TPR: variants seen among roughly 807,000 people sequenced by gnomAD.
TPR encodes the protein translocated promoter region, nuclear basket protein.
A neutral mutation model predicts 316.1 loss-of-function variants in TPR; 51 were observed. The observed-to-expected ratio is 0.16, with a 90% CI of 0.13 to 0.20. The LOEUF (loss-of-function observed/expected upper bound fraction) is 0.20, where lower values mean the gene tolerates loss of function less well. Ranked by LOEUF, TPR falls within the 10% of genes least tolerant of loss-of-function variation. The probability of loss-of-function intolerance (pLI) is 1.00; values close to 1 mark genes in which losing one functional copy is unlikely to be tolerated. For missense variants in TPR, 2,272 were observed against 2,754.8 expected (o/e 0.82, Z 3.92); for synonymous variants, 981 against 914.7 (o/e 1.07, Z -1.31).
intron 11 of TPR, 66 bp from the exon 12 acceptor site, chr1:186,360,062 T>G: frequency 9.2e-6 from 14 of 1,519,742 alleles, no homozygotes; most frequent in Non-Finnish European, 1.3e-5. Flanking sequence ...TTGATCTAGT[T>G]TCATAATAAA....
At position 186,332,281 on chromosome 1, in the gene TPR, T is replaced by C. The variant is rs1658188606; in HGVS notation, c.5518A>G (p.Ile1840Val). The C allele has an allele frequency of 6.2e-7, 1 of 1,612,928 alleles. No homozygotes were observed. Among genetic ancestry groups the C allele is most frequent in the South Asian group, 1.1e-5 (1 of 90,798 alleles). The part of the protein sequence containing the change: ...RTREEEEDST[I>V]EASDQVSDDT... ...TCAGAGACTTGGTCTGATGCTTCTA[T>C]GGTGCTATCCTCTTCCTCTTCACGT... Residue 1840 changes from isoleucine to valine, a missense_variant, in exon 38 of 51, where the codon ATA (isoleucine) becomes GTA (valine). This residue lies in a region of TPR where 435 missense variants were observed against 461.1 expected (regional missense o/e 0.94). Transcript: ENST00000367478.
chr1:186,315,756 C>G (rs776127667), intron 49 of TPR, among the ~76,000 whole-genome samples: 1 of 151,310 alleles, frequency 6.6e-6, no homozygotes, highest in African/African-American at 2.4e-5. Context: ...ATATCTCCTG[C>G]TACTCTCTGT....
rs1571635367 is a variant in TPR at position 186,362,339 on chromosome 1, T to C, written c.738A>G (p.Ser246=). 1.9e-6 allele frequency: 3 copies of C among 1,612,472 alleles called. No individual in the cohort carries two copies. The Admixed American group carries it at 5.0e-5, about 27-fold the overall frequency. The change falls in exon 7 of 51, where the codon TCA becomes TCG. Residue 246 remains serine (S), a synonymous_variant. Transcript: ENST00000367478. ...CCACATGCTTTTGAAGATGTTCATT[T>C]GATGTTTTTAAGCCATTCATTTGTT... ...LEEQMNGLKT[S]NEHLQKHVED...
intron 46 of TPR, 119 bp downstream of exon 46, chr1:186,320,193 C>A: frequency 1.2e-6 from 1 of 850,424 alleles, no homozygotes. Context: ...AATAAATTAG[C>A]AAACAATATC....
intron 4 of TPR, among the ~76,000 whole-genome samples, chr1:186,367,064 T>C (rs1343984818): frequency 2.9e-5 from 4 of 138,206 alleles, no homozygotes; most frequent in African/African-American, 8.0e-5. Flanking sequence ...AAACACCTTT[T>C]TTTTTTTTTT....
chr1:186,345,476 T>C (rs1658647015), intron 24 of TPR, 104 bp downstream of exon 24: 1 of 886,684 alleles, frequency 1.1e-6, no homozygotes, highest in Non-Finnish European at 1.8e-6. Flanking sequence ...GTGGAAATTA[T>C]CTTGAATTTT....
In TPR at chr1:186,355,085, A is replaced by C. The variant is rs896208224; in HGVS notation, c.2171+325T>G. 2.0e-5 allele frequency among the ~76,000 whole-genome samples: 3 copies of C among 152,042 alleles called. No individual in the cohort carries two copies. The East Asian group carries it at 5.8e-4, about 30-fold the overall frequency. On this transcript the variant is annotated intron_variant, in intron 17 of 50. Transcript: ENST00000367478. Reference sequence around the variant, plus strand: ...CCGCTCAGCTAATTTTTGTATTTTTAGTAGAGATGGGGTTTCACCATGGTG... The same window carrying C: ...CCGCTCAGCTAATTTTTGTATTTTTCGTAGAGATGGGGTTTCACCATGGTG...
chr1:186,361,290 G>A (rs1296970181), intron 9 of TPR, among the ~76,000 whole-genome samples: 1 of 151,818 alleles, frequency 6.6e-6, no homozygotes, highest in South Asian at 2.1e-4. Flanking sequence ...AAATAAAGAG[G>A]ATGTCTTATT....
At chr1:186,353,916 T>G (rs1571627913) in intron 17 of TPR, 66 bp from the exon 18 acceptor site, 1 of 1,480,760 alleles carries the variant, frequency 6.8e-7, no homozygotes, top group Non-Finnish European at 9.2e-7. Context: ...CTTGAAGAAA[T>G]TTCACAATAG....
intron 37 of TPR, among the ~76,000 whole-genome samples, chr1:186,332,658 A>G (rs1198553595): frequency 6.6e-6 from 1 of 152,176 alleles, no homozygotes; most frequent in East Asian, 1.9e-4. Context: ...GTTGTTATCT[A>G]CAAAGTTTAC....
Position 186,359,826 on chromosome 1 carries a change from T to G in TPR, c.1362A>C (p.Leu454Phe). The change falls in exon 12 of 51, where the codon TTA (leucine) becomes TTC (phenylalanine). Residue 454 changes from leucine to phenylalanine, a missense_variant. This residue lies in a region of TPR where 549 missense variants were observed against 598.6 expected (regional missense o/e 0.92). Coordinates refer to ENST00000367478, the MANE Select transcript of TPR (RefSeq NM_003292.3). ...TCATAGCTTGTTCAAGCTTAACAGA[T>G]AAACTTGCTACAGCTTTCTGTGCAC... ...YERAQKAVAS[L>F]SVKLEQAMKE... 1 of 1,588,264 alleles carries G rather than the reference T, an allele frequency of 6.3e-7. No homozygotes were observed. The highest frequency in any genetic ancestry group is 1.2e-5 in the South Asian group (1 of 85,544).
chr1:186,312,958 TAAAAATGCTGGCTGC>T lies in TPR; in HGVS notation c.*998_*1012del. 6.6e-7 allele frequency: 1 copy of T among 1,518,318 alleles called. No individual in the cohort carries two copies. The highest frequency in any genetic ancestry group is 9.1e-7 in the Non-Finnish European group (1 of 1,094,228). The allele number at this position is 1,518,318 out of a possible 1,614,324, so 94.1% of individuals were successfully genotyped here. A position where few individuals can be genotyped will look rare whatever the true frequency, so the allele number is the denominator to read the frequency against. ...CATTTGTGAAAACATGAAGATAAAG[TAAAAATGCTGGCTGC>T]AATGATGACTGAATGTGAGAAGTTA... On this transcript the variant is annotated 3_prime_UTR_variant, in exon 51 of 51. Coordinates refer to ENST00000367478, the MANE Select transcript of TPR (RefSeq NM_003292.3).
rs774674452 is a variant in TPR at position 186,334,525 on chromosome 1, G to A, written c.4982C>T (p.Thr1661Ile). Residue 1661 changes from threonine to isoleucine, a missense_variant, in exon 36 of 51, where the codon ACA (threonine) becomes ATA (isoleucine). Transcript: ENST00000367478. Reference sequence around the variant, plus strand: ...GATATTGGCTGTTGGTGGGTCTGATGTGCTGGCACTTATAGAGGAGAAAAT... The same window carrying A: ...GATATTGGCTGTTGGTGGGTCTGATATGCTGGCACTTATAGAGGAGAAAAT... ...PASGERGIAS[T>I]SDPPTANIKP... The A allele has an allele frequency of 1.2e-6, 2 of 1,612,754 alleles. No homozygotes were observed. Among genetic ancestry groups the A allele is most frequent in the African/African-American group, 1.3e-5 (1 of 74,976 alleles).
chr1:186,313,019 T>C lies in TPR; in HGVS notation c.*952A>G, dbSNP rs557224189. The C allele has an allele frequency of 9.5e-7, 1 of 1,054,496 alleles. No individual in the cohort carries two copies. Among genetic ancestry groups the C allele is most frequent in the East Asian group, 2.4e-5 (1 of 41,124 alleles). The allele number at this position is 1,054,496 out of a possible 1,614,324, so 65.3% of individuals were successfully genotyped here. A position where few individuals can be genotyped will look rare whatever the true frequency, so the allele number is the denominator to read the frequency against. On this transcript the variant is annotated 3_prime_UTR_variant, in exon 51 of 51. Transcript: ENST00000367478. Reference sequence around the variant, plus strand: ...AGTTACACTACGGTACTTATTCTAATTGCTGTGGAAAAGAGTTAAGACTTT... The same window carrying C: ...AGTTACACTACGGTACTTATTCTAACTGCTGTGGAAAAGAGTTAAGACTTT...
intron 27 of TPR, chr1:186,342,593 A>C (rs1042073475): frequency 1.3e-5 from 2 of 152,214 alleles, no homozygotes; most frequent in African/African-American, 4.8e-5. Context: ...AAATCCCATA[A>C]AATTCATTAT....
intron 39 of TPR, among the ~76,000 whole-genome samples, chr1:186,331,232 A>C (rs549685621): frequency 9.9e-5 from 15 of 152,242 alleles, no homozygotes; most frequent in South Asian, 6.2e-4. Flanking sequence ...AAATAGGGAA[A>C]AATCTTGGCT....
At chr1:186,326,989 TAATATATAATATATTA>T (rs1319903082) in intron 40 of TPR, among the ~76,000 whole-genome samples, 2 of 105,912 alleles carry the variant, frequency 1.9e-5, no homozygotes, top group East Asian at 2.2e-4. Context: ...ATAATCTATT[TAATATATAATATATTA>T]AATATATAAT....
chr1:186,374,755 T>C (rs1659654649), intron 1 of TPR, 123 bp downstream of exon 1: 4 of 1,041,206 alleles, frequency 3.8e-6, no homozygotes, highest in African/African-American at 1.6e-5. Flanking sequence ...GCTCAGGATA[T>C]CCACAGAGCC....
rs1657798884 is a variant in TPR, at chr1:186,322,419, CAAAGA to C, written c.6367-12_6367-8del. On this transcript the variant is annotated splice_polypyrimidine_tract_variant and splice_region_variant and intron_variant, in intron 44 of 50. Coordinates refer to ENST00000367478, the MANE Select transcript of TPR (RefSeq NM_003292.3). The stretch of plus-strand genomic sequence containing the variant: ...CATCAAAAAAATGCTGTTGCTAAAA[CAAAGA>C]AAACAGAGTTAACAAACAAAACACC... 6.2e-7 allele frequency: 1 copy of C among 1,612,066 alleles called. No homozygotes were observed. Among genetic ancestry groups the C allele is most frequent in the Non-Finnish European group, 8.5e-7 (1 of 1,179,358 alleles).
Sources: allele counts gnomAD v4.1 joint callset (sites outside exome capture counted in the v4.1 genomes callset), GRCh38; gene constraint gnomAD v4.1.1; regional missense constraint gnomAD v4.1.1; transcripts MANE v1.5; gene names NCBI Gene and HGNC (gene_info 2026-07-23, HGNC 2026-07-21).